Variants in WWC1 observed in about 807,000 individuals in gnomAD.
WWC1 encodes the protein protein KIBRA.
In WWC1, 55 loss-of-function variants were observed where a neutral mutation model predicts 138.4. The ratio of observed to expected loss-of-function variants is 0.40; its 90% CI spans 0.32 to 0.50. The LOEUF (loss-of-function observed/expected upper bound fraction) is 0.50, where lower values mean the gene tolerates loss of function less well. Ranked by LOEUF, WWC1 falls within the 20% of genes least tolerant of loss-of-function variation. The pLI is 0.72. For synonymous variants in WWC1, 524 were observed against 564.9 expected (o/e 0.93, Z 1.03); for missense variants, 1,226 against 1,420.4 (o/e 0.86, Z 2.20).
intron 1 of WWC1, among the ~76,000 whole-genome samples, chr5:168,359,581 A>G (rs182878634): frequency 2.3e-4 from 35 of 152,336 alleles, no homozygotes; most frequent in Middle Eastern, 3.4e-3. Context: ...TATGTGCCAT[A>G]AGAAAGGGAA....
intron 5 of WWC1, among the ~76,000 whole-genome samples, chr5:168,401,858 A>G (rs1448711447): frequency 6.6e-6 from 1 of 152,206 alleles, no homozygotes; most frequent in Non-Finnish European, 1.5e-5. Context: ...GGGCAATAGT[A>G]TAAGCTTAGA....
At chr5:168,311,141 A>T (rs1465276640) in intron 1 of WWC1, among the ~76,000 whole-genome samples, 1 of 152,028 alleles carries the variant, frequency 6.6e-6, no homozygotes, top group African/African-American at 2.4e-5. Flanking sequence ...ACTGCAGCTC[A>T]CCAGCCCCAC....
intron 1 of WWC1, among the ~76,000 whole-genome samples, chr5:168,352,950 G>A (rs750208284): frequency 1.3e-5 from 2 of 152,168 alleles, no homozygotes; most frequent in Non-Finnish European, 2.9e-5. Context: ...ATTAAATGGA[G>A]TTAATATGGG....
intron 1 of WWC1, 101 bp from the exon 2 acceptor site, chr5:168,371,323 G>A: frequency 1.2e-6 from 1 of 803,022 alleles, no homozygotes; most frequent in Non-Finnish European, 2.1e-6. Flanking sequence ...TTTTGGATCT[G>A]TTGAGCCAGC....
At position 168,460,664 on chromosome 5, in the gene WWC1, T is replaced by A; in HGVS notation, c.2838T>A (p.Asp946Glu). Reference protein sequence around the residue: ...SQYVCRLNRSDSDSSTLSKKP... With the variant: ...SQYVCRLNRSESDSSTLSKKP... ...TTCTCTTGCAGCTGAATCGGAGTGATAGTGACAGCTCCACTCTGTCCAAAA... is the reference window on the plus strand; with the variant it reads ...TTCTCTTGCAGCTGAATCGGAGTGAAAGTGACAGCTCCACTCTGTCCAAAA... Residue 946 changes from aspartate to glutamate, a missense_variant, in exon 20 of 23, where the codon GAT (aspartate) becomes GAA (glutamate). Physicochemically the swap from Asp to Glu is conservative, Grantham distance 45 (BLOSUM62 2). This residue lies in a region of WWC1 where 206 missense variants were observed against 247.4 expected (regional missense o/e 0.83). Coordinates refer to ENST00000265293, the MANE Select transcript of WWC1 (RefSeq NM_015238.3). The A allele has an allele frequency of 6.2e-7, 1 of 1,614,078 alleles. No homozygotes were observed. Among genetic ancestry groups the A allele is most frequent in the Non-Finnish European group, 8.5e-7 (1 of 1,179,992 alleles).
intron 1 of WWC1, among the ~76,000 whole-genome samples, chr5:168,351,751 C>G (rs551292522): frequency 9.2e-5 from 14 of 152,332 alleles, no homozygotes; most frequent in Middle Eastern, 6.8e-3. Flanking sequence ...GGGTGGAGAA[C>G]AGCAACCAGT....
chr5:168,379,985 A>G (rs140054696), intron 2 of WWC1, among the ~76,000 whole-genome samples: 34 of 152,376 alleles, frequency 2.2e-4, no homozygotes, highest in African/African-American at 5.8e-4. Flanking sequence ...AGCACTAACC[A>G]GAAAAGAAAA....
Position 168,356,758 on chromosome 5 carries a change from A to G in WWC1, c.120-14666A>G, listed in dbSNP as rs375601573. ...GTAGGAGACAGAGGCCTTGTTTGCT[A>G]CCCAGTGGGTTATGCATTCCCAGGG... On this transcript the variant is annotated intron_variant, in intron 1 of 22. Transcript: ENST00000265293. Among the ~76,000 whole-genome samples, 30 of 152,268 alleles carry G rather than the reference A, an allele frequency of 2.0e-4. 2 individuals carry two copies. In the East Asian group the frequency reaches 5.8e-3, roughly 29 times the overall value.
chr5:168,359,033 G>GGGT (rs1491404850), intron 1 of WWC1, among the ~76,000 whole-genome samples: 1 of 148,204 alleles, frequency 6.7e-6, no homozygotes, highest in African/African-American at 2.5e-5. Context: ...GTGGTGGTGG[G>GGGT]GTGTGTGTGT....
At chr5:168,450,671 AAT>A in intron 17 of WWC1, among the ~76,000 whole-genome samples, 1 of 152,182 alleles carries the variant, frequency 6.6e-6, no homozygotes, top group African/African-American at 2.4e-5. Context: ...ATCTCAAAAA[AAT>A]AAAATAAAAT....
chr5:168,389,450 C>CA (rs71310058), intron 3 of WWC1, among the ~76,000 whole-genome samples: 19,665 of 94,672 alleles, frequency 0.21, 1,657 homozygotes, highest in African/African-American at 0.24. Context: ...GACTCCATCT[C>CA]AAAAAAAAAA....
At chr5:168,309,452 C>G (rs1770869672) in intron 1 of WWC1, among the ~76,000 whole-genome samples, 1 of 152,128 alleles carries the variant, frequency 6.6e-6, no homozygotes, top group Non-Finnish European at 1.5e-5. Context: ...CCAAAGGGTG[C>G]ATAGTGGAAT....
At chr5:168,414,304 G>C in intron 8 of WWC1, 44 bp from the exon 9 acceptor site, 1 of 1,602,466 alleles carries the variant, frequency 6.2e-7, no homozygotes, top group Non-Finnish European at 8.5e-7. Flanking sequence ...TGTTCCCTCA[G>C]TGCCATTAGG....
chr5:168,403,006 TTTTCTTTCTTTCTTTC>T (rs72242963), intron 5 of WWC1, among the ~76,000 whole-genome samples: 1,364 of 105,594 alleles, frequency 0.013, 28 homozygotes, highest in East Asian at 0.05. Flanking sequence ...TGTTGTTTCT[TTTTCTTTCTTTCTTTC>T]TTTCTTTCTT....
intron 2 of WWC1, among the ~76,000 whole-genome samples, chr5:168,375,684 C>G (rs1777116203): frequency 6.6e-6 from 1 of 152,030 alleles, no homozygotes; most frequent in Non-Finnish European, 1.5e-5. Flanking sequence ...AAGCAATTCT[C>G]CTGCCTCAGC....
intron 5 of WWC1, among the ~76,000 whole-genome samples, chr5:168,404,117 C>A (rs2152835467): frequency 6.6e-6 from 1 of 152,282 alleles, no homozygotes; most frequent in South Asian, 2.1e-4. Flanking sequence ...AGACAAACCA[C>A]TTCTGTCTCA....
chr5:168,385,219 C>A lies in WWC1; in HGVS notation c.238C>A (p.Gln80Lys). The change falls in exon 3 of 23, where the codon CAG becomes AAG. Residue 80 changes from glutamine (Q) to lysine (K), a missense_variant. Around this residue, in one of 3 missense-constraint regions of WWC1, gnomAD observed 1,016 missense variants for 1,153.9 expected, o/e 0.88. Transcript: ENST00000265293. ...TCTGGGGTCTGTTCCAGAAACCACT[C>A]AGATTGAGGATCCTCGAGTACAATG... ...YFIDHNTKTT[Q>K]IEDPRVQWRR... is the part of the protein sequence containing the mutation. 6.2e-7 allele frequency: 1 copy of A among 1,614,120 alleles called. No homozygotes were observed. The highest frequency in any genetic ancestry group is 8.5e-7 in the Non-Finnish European group (1 of 1,180,002).
chr5:168,294,272 AT>A (rs570185026), intron 1 of WWC1, among the ~76,000 whole-genome samples: 2 of 151,264 alleles, frequency 1.3e-5, no homozygotes, highest in African/African-American at 2.4e-5. Flanking sequence ...CACCTCCATG[AT>A]TTTTTTTTGC....
intron 1 of WWC1, among the ~76,000 whole-genome samples, chr5:168,317,525 A>G (rs4976544): frequency 0.76 from 114,674 of 151,886 alleles, 43,605 homozygotes; most frequent in African/African-American, 0.83. Context: ...GACTCTCCAG[A>G]CCCATGCTTC....
Sources: allele counts gnomAD v4.1 joint callset (sites outside exome capture counted in the v4.1 genomes callset), GRCh38; gene constraint gnomAD v4.1.1; regional missense constraint gnomAD v4.1.1; transcripts MANE v1.5; gene names NCBI Gene and HGNC (gene_info 2026-07-23, HGNC 2026-07-21).